PHKB: variants seen among roughly 807,000 people sequenced by gnomAD.
The protein encoded by PHKB is phosphorylase kinase regulatory subunit beta.
PHKB carries 122 observed loss-of-function variants against 152.1 expected under a neutral mutation model. The ratio of observed to expected loss-of-function variants is 0.80; its 90% CI spans 0.69 to 0.93. The LOEUF (loss-of-function observed/expected upper bound fraction) is 0.93. PHKB is among the 40% of genes least tolerant of loss of function. The pLI is 0.00. For synonymous variants in PHKB, 436 were observed against 464.9 expected (o/e 0.94, Z 0.80); for missense variants, 1,304 against 1,328.4 (o/e 0.98, Z 0.29).
At chr16:47,538,169 G>T (rs1353168550) in intron 6 of PHKB, among the ~76,000 whole-genome samples, 1 of 152,120 alleles carries the variant, frequency 6.6e-6, no homozygotes, top group East Asian at 1.9e-4. Context: ...TGCTAGGATT[G>T]TAGGCATGAG....
intron 7 of PHKB, among the ~76,000 whole-genome samples, chr16:47,573,542 G>T (rs984940835): frequency 6.6e-6 from 1 of 152,186 alleles, no homozygotes; most frequent in Admixed American, 6.5e-5. Context: ...AACACATTGG[G>T]TCTCACACTC....
At chr16:47,557,949 G>A (rs1971406493) in intron 7 of PHKB, among the ~76,000 whole-genome samples, 1 of 152,150 alleles carries the variant, frequency 6.6e-6, no homozygotes, top group African/African-American at 2.4e-5. Context: ...GTTTATTGCG[G>A]TACTATTCAC....
intron 10 of PHKB, among the ~76,000 whole-genome samples, chr16:47,592,614 A>T (rs539716680): frequency 1.8e-4 from 28 of 152,336 alleles, no homozygotes; most frequent in African/African-American, 6.5e-4. Flanking sequence ...TCCACTCCCT[A>T]TGAGCCTGAC....
chr16:47,564,325 C>T (rs1971528072), intron 7 of PHKB, among the ~76,000 whole-genome samples: 1 of 152,044 alleles, frequency 6.6e-6, no homozygotes, highest in Non-Finnish European at 1.5e-5. Context: ...TCACTGCATC[C>T]ACACCAACAT....
chr16:47,580,572 AAAAG>A (rs1012327938), intron 8 of PHKB, among the ~76,000 whole-genome samples: 2 of 151,644 alleles, frequency 1.3e-5, no homozygotes, highest in African/African-American at 2.4e-5. Flanking sequence ...AAAAAAAAAA[AAAAG>A]AAAATTTTTT....
intron 1 of PHKB, among the ~76,000 whole-genome samples, chr16:47,471,451 G>A (rs1248604738): frequency 6.6e-6 from 1 of 152,156 alleles, no homozygotes; most frequent in Non-Finnish European, 1.5e-5. Flanking sequence ...AAAATAGACT[G>A]GAAGGTGACA....
At position 47,499,762 on chromosome 16, in the gene PHKB, C is replaced by T; in HGVS notation, c.173C>T (p.Ser58Leu). 3 of 1,614,130 alleles carry T rather than the reference C, an allele frequency of 1.9e-6. No individual in the cohort carries two copies. The highest frequency in any genetic ancestry group is 1.1e-5 in the South Asian group (1 of 91,066). Reference protein sequence around the residue: ...KLDHYYRIVKSTLLLYQSPTT... With the variant: ...KLDHYYRIVKLTLLLYQSPTT... ...GTCTTGTCCTCAATTGCAGTCAAGT[C>T]AACATTGCTGCTGTATCAAAGTCCA... Residue 58 changes from serine to leucine, a missense_variant, in exon 3 of 31, where the codon TCA becomes TTA. Coordinates refer to ENST00000323584, the MANE Select transcript of PHKB (RefSeq NM_000293.3).
In PHKB at chr16:47,596,357, T is replaced by G. The variant is rs754488707; in HGVS notation, c.1205-16T>G. 3.0e-5 allele frequency: 46 copies of G among 1,552,780 alleles called. No homozygotes were observed. The highest frequency in any genetic ancestry group is 3.9e-5 in the Non-Finnish European group (44 of 1,124,894). Reference sequence around the variant, plus strand: ...AGATTTGTTATATTTTAAATACTTATTTTTAAACTCCATAGGATATCCTGT... The same window carrying G: ...AGATTTGTTATATTTTAAATACTTAGTTTTAAACTCCATAGGATATCCTGT... On this transcript the variant is annotated splice_polypyrimidine_tract_variant and intron_variant, in intron 12 of 30. Coordinates refer to ENST00000323584, the MANE Select transcript of PHKB (RefSeq NM_000293.3).
intron 26 of PHKB, among the ~76,000 whole-genome samples, chr16:47,681,522 T>G (rs985958968): frequency 6.6e-6 from 1 of 151,598 alleles, no homozygotes; most frequent in Non-Finnish European, 1.5e-5. Context: ...TACCATTATG[T>G]AATGGCGTTC....
chr16:47,640,481 A>C (rs1050741632), intron 14 of PHKB, among the ~76,000 whole-genome samples: 2 of 152,196 alleles, frequency 1.3e-5, no homozygotes, highest in Non-Finnish European at 2.9e-5. Flanking sequence ...CTTGCATTTA[A>C]TGAATATAAT....
chr16:47,504,730 A>C (rs990278698), intron 4 of PHKB, among the ~76,000 whole-genome samples: 1 of 152,176 alleles, frequency 6.6e-6, no homozygotes, highest in Non-Finnish European at 1.5e-5. Context: ...TTTTGTAAGG[A>C]TTAAGAAATA....
intron 13 of PHKB, among the ~76,000 whole-genome samples, chr16:47,607,822 C>T (rs1256730020): frequency 6.6e-6 from 1 of 152,146 alleles, no homozygotes; most frequent in African/African-American, 2.4e-5. Context: ...TTCTGTTTCT[C>T]CACATCTTTG....
chr16:47,669,763 T>A (rs1445194212), intron 26 of PHKB, among the ~76,000 whole-genome samples: 1 of 152,236 alleles, frequency 6.6e-6, no homozygotes, highest in Admixed American at 6.5e-5. Flanking sequence ...AAGAGAAGAA[T>A]GATTTTCAGT....
Position 47,693,512 on chromosome 16 carries a change from A to G in PHKB, c.2895+5A>G. 2 of 1,613,996 alleles carry G rather than the reference A, an allele frequency of 1.2e-6. No homozygotes were observed. Among genetic ancestry groups the G allele is most frequent in the Non-Finnish European group, 1.7e-6 (2 of 1,179,966 alleles). ...GCTGGGAAGCATTTGCCTCAGGTAA[A>G]GCCCCACCATGTTCACATAAAGAAA... On this transcript the variant is annotated splice_donor_5th_base_variant and intron_variant, in intron 28 of 30. Coordinates refer to ENST00000323584, the MANE Select transcript of PHKB (RefSeq NM_000293.3).
chr16:47,563,592 C>G (rs1971512886), intron 7 of PHKB, among the ~76,000 whole-genome samples: 1 of 152,104 alleles, frequency 6.6e-6, no homozygotes, highest in South Asian at 2.1e-4. Context: ...TGTTCCATTT[C>G]TAGAGCATAG....
At chr16:47,465,719 G>A (rs573306113) in intron 1 of PHKB, among the ~76,000 whole-genome samples, 12 of 152,172 alleles carry the variant, frequency 7.9e-5, no homozygotes, top group Admixed American at 5.9e-4. Flanking sequence ...GTGGCCTGTC[G>A]TGTTTGCATT....
chr16:47,581,379 A>T (rs534435441), intron 8 of PHKB, among the ~76,000 whole-genome samples: 5 of 152,172 alleles, frequency 3.3e-5, no homozygotes, highest in African/African-American at 1.2e-4. Flanking sequence ...ACCCATTTTC[A>T]TATTCCTGGA....
rs1331427258 is a variant in PHKB at position 47,533,504 on chromosome 16, G to T, written c.595-13929G>T. Among the ~76,000 whole-genome samples the T allele has an allele frequency of 3.3e-5, 5 of 152,178 alleles. 1 individual carries two copies. Among genetic ancestry groups the T allele is most frequent in the Non-Finnish European group, 1.5e-5 (1 of 68,014 alleles). On this transcript the variant is annotated intron_variant, in intron 6 of 30. Coordinates refer to ENST00000323584, the MANE Select transcript of PHKB (RefSeq NM_000293.3). ...CCAGTGCCAGGCCGCCCTCAACCCT[G>T]CCTTGGCTTCCCTTAGGTGTTCATC...
At chr16:47,644,356 T>A (rs1024304964) in intron 16 of PHKB, among the ~76,000 whole-genome samples, 1 of 152,222 alleles carries the variant, frequency 6.6e-6, no homozygotes, top group African/African-American at 2.4e-5. Flanking sequence ...TGCTCCCTCA[T>A]TCATCTATCA....
Sources: gnomAD v4.1 joint callset for allele counts (sites outside exome capture counted in the v4.1 genomes callset) on GRCh38, gnomAD v4.1.1 for gene constraint, MANE v1.5 for transcripts, NCBI Gene and HGNC (gene_info 2026-07-23, HGNC 2026-07-21) for gene names.